The following AGO2 variants were observed in gnomAD, a reference collection of about 807,000 sequenced individuals.
The protein encoded by AGO2 is protein argonaute-2.
In AGO2, 5 loss-of-function variants were observed where a neutral mutation model predicts 102.3. The observed-to-expected ratio is 0.05, with a 90% CI of 0.03 to 0.10. The LOEUF (loss-of-function observed/expected upper bound fraction) is 0.10. AGO2 is among the 10% of genes least tolerant of loss of function. AGO2 has a pLI of 1.00. For missense variants in AGO2, 541 were observed against 1,183.7 expected, an observed-to-expected ratio of 0.46 and a Z score of 7.97; for synonymous variants, 449 against 473.1, an observed-to-expected ratio of 0.95 and a Z score of 0.66.
chr8:140,521,199 C>T lies in AGO2; in HGVS notation c.*10845G>A, dbSNP rs1349028002. 5 of 152,164 alleles carry T rather than the reference C, an allele frequency of 3.3e-5. No homozygotes were observed. Among genetic ancestry groups the T allele is most frequent in the Non-Finnish European group, 2.9e-5 (2 of 68,030 alleles). 9.4% of individuals were successfully genotyped at this position (152,164 alleles called of 1,614,324 possible). A position where few individuals can be genotyped will look rare whatever the true frequency, so the allele number is the denominator to read the frequency against. ...CTGGGGAGCCAATTGCCCGGCACGT[C>T]TTATTACTGAGAAAGTGCAAGAATG... On this transcript the variant is annotated 3_prime_UTR_variant, in exon 19 of 19. Transcript: ENST00000220592.
At chr8:140,617,276 C>T (rs1337011410) in intron 1 of AGO2, among the ~76,000 whole-genome samples, 2 of 149,480 alleles carry the variant, frequency 1.3e-5, no homozygotes, top group African/African-American at 2.5e-5. Context: ...TTTTTTTTTT[C>T]GAGATGGAGT....
chr8:140,604,402 G>C (rs772597097), intron 1 of AGO2, among the ~76,000 whole-genome samples: 20 of 152,180 alleles, frequency 1.3e-4, no homozygotes, highest in Non-Finnish European at 2.4e-4. Flanking sequence ...ACAATAAAAA[G>C]GCATTTTTGG....
In AGO2 at chr8:140,539,184, A is replaced by C; in HGVS notation, c.2169+136T>G. 7.9e-7 allele frequency: 1 copy of C among 1,259,678 alleles called. No homozygotes were observed. The highest frequency in any genetic ancestry group is 1.1e-6 in the Non-Finnish European group (1 of 927,606). The allele number at this position is 1,259,678 out of a possible 1,614,324, so 78.0% of individuals were successfully genotyped here. On this transcript the variant is annotated intron_variant, in intron 16 of 18. Coordinates refer to ENST00000220592, the MANE Select transcript of AGO2 (RefSeq NM_012154.5). The surrounding 1 kb of genome is among the most constrained non-coding windows in gnomAD (Gnocchi z 4.7). ...AGTGTCTAAACCTGGGTCCCCATGA[A>C]GCCCCTTAGAGGACAGAGTCACCCT... is the stretch of plus-strand genomic sequence containing the variant.
chr8:140,541,988 A>G (rs892624663), intron 14 of AGO2, among the ~76,000 whole-genome samples: 7 of 152,224 alleles, frequency 4.6e-5, no homozygotes, highest in African/African-American at 1.7e-4. Context: ...ATCAGTCCAA[A>G]GAAGGCAATG....
intron 2 of AGO2, among the ~76,000 whole-genome samples, chr8:140,576,350 T>TCA (rs1183282401): frequency 6.6e-6 from 1 of 151,992 alleles, no homozygotes; most frequent in Non-Finnish European, 1.5e-5. Context: ...AGATGAGCAA[T>TCA]CAACTGGGAG....
rs747659376 is a variant in AGO2, at chr8:140,627,784, C to A, written c.22+7701G>T. On this transcript the variant is annotated intron_variant, in intron 1 of 18. Transcript: ENST00000220592. The stretch of plus-strand genomic sequence containing the variant: ...GTTCACAGCAACATGGAACCACAGG[C>A]GGCACCCCACACAAGCATGGCGGTC... Among the ~76,000 whole-genome samples the A allele has an allele frequency of 1.1e-4, 17 of 152,182 alleles. 1 individual carries two copies. Among genetic ancestry groups the A allele is most frequent in the Admixed American group, 9.8e-4 (15 of 15,278 alleles).
chr8:140,571,754 T>C (rs1327615926), intron 3 of AGO2, among the ~76,000 whole-genome samples: 3 of 152,236 alleles, frequency 2.0e-5, no homozygotes, highest in Non-Finnish European at 4.4e-5. Context: ...AGATTATTTT[T>C]TATTTTTTTG....
chr8:140,534,470 G>A (rs2072659839), intron 17 of AGO2, among the ~76,000 whole-genome samples: 1 of 152,190 alleles, frequency 6.6e-6, no homozygotes, highest in Non-Finnish European at 1.5e-5. Context: ...CTTTGCACCA[G>A]GAAGTGCCAC....
At chr8:140,634,770 C>T (rs951523347) in intron 1 of AGO2, among the ~76,000 whole-genome samples, 3 of 152,312 alleles carry the variant, frequency 2.0e-5, no homozygotes, top group South Asian at 2.1e-4. Context: ...GAACGAGCCG[C>T]GCACGCAGTT....
chr8:140,589,589 G>T lies in AGO2; in HGVS notation c.23-4278C>A, dbSNP rs1454481267. On this transcript the variant is annotated intron_variant, in intron 1 of 18. Transcript: ENST00000220592. This position sits in a 1 kb window ranked among gnomAD's most constrained non-coding sequence, Gnocchi z 4.2. ...GTCATTATTCAAAGCCATGCTTCCCGATGGTCCTCCTAGAACTCTGCATTC... is the reference window on the plus strand; with the variant it reads ...GTCATTATTCAAAGCCATGCTTCCCTATGGTCCTCCTAGAACTCTGCATTC... Among the ~76,000 whole-genome samples the T allele has an allele frequency of 6.6e-6, 1 of 152,172 alleles. No individual in the cohort carries two copies. The highest frequency in any genetic ancestry group is 1.5e-5 in the Non-Finnish European group (1 of 68,024).
intron 5 of AGO2, among the ~76,000 whole-genome samples, chr8:140,559,887 T>C (rs1054191201): frequency 2.0e-5 from 3 of 152,248 alleles, no homozygotes; most frequent in African/African-American, 7.2e-5. Context: ...TTTCAATAAA[T>C]GTATAACTGA....
rs1436304328 is a variant in AGO2, at chr8:140,522,244, G to A, written c.*9800C>T. ...ACAATTTCAAGTTTCATGTGGAGTT[G>A]TATCTCACTGTTTGGTTACTTTTTC... On this transcript the variant is annotated 3_prime_UTR_variant, in exon 19 of 19. Coordinates refer to ENST00000220592, the MANE Select transcript of AGO2 (RefSeq NM_012154.5). 6.6e-6 allele frequency: 1 copy of A among 152,078 alleles called. No homozygotes were observed. Among genetic ancestry groups the A allele is most frequent in the Non-Finnish European group, 1.5e-5 (1 of 68,030 alleles). The allele number at this position is 152,078 out of a possible 1,614,324, so 9.4% of individuals were successfully genotyped here.
chr8:140,627,423 A>T (rs567914512), intron 1 of AGO2, among the ~76,000 whole-genome samples: 2 of 152,366 alleles, frequency 1.3e-5, no homozygotes, highest in East Asian at 3.9e-4. Flanking sequence ...CTGCAAGATG[A>T]AAGTTTCTAG....
At chr8:140,541,091 C>A (rs1588439780) in intron 15 of AGO2, 73 bp downstream of exon 15, 1 of 1,411,792 alleles carries the variant, frequency 7.1e-7, no homozygotes, top group African/African-American at 1.4e-5. Flanking sequence ...ATTCATCGAG[C>A]GTGGTTCTGC....
chr8:140,570,512 G>A (rs1192428702), intron 3 of AGO2, among the ~76,000 whole-genome samples: 1 of 152,192 alleles, frequency 6.6e-6, no homozygotes, highest in African/African-American at 2.4e-5. Flanking sequence ...TTACAGGCAT[G>A]AGCCACTGCA....
chr8:140,577,467 A>C (rs977089418), intron 2 of AGO2, among the ~76,000 whole-genome samples: 2 of 152,176 alleles, frequency 1.3e-5, no homozygotes, highest in African/African-American at 4.8e-5. Flanking sequence ...TTTTTTAAAG[A>C]TCATAGGCCT....
intron 4 of AGO2, among the ~76,000 whole-genome samples, chr8:140,562,178 T>C (rs997254795): frequency 1.3e-5 from 2 of 152,206 alleles, no homozygotes; most frequent in Non-Finnish European, 2.9e-5. Flanking sequence ...AAGTGCTGGG[T>C]GCAGAGGGCT....
chr8:140,537,925 T>C (rs957772709), intron 16 of AGO2, among the ~76,000 whole-genome samples: 6 of 152,082 alleles, frequency 3.9e-5, no homozygotes, highest in Non-Finnish European at 7.4e-5. Context: ...TTTAAGCAAT[T>C]CTCTTGCCTC....
At chr8:140,620,690 G>C (rs1190340438) in intron 1 of AGO2, among the ~76,000 whole-genome samples, 1 of 151,886 alleles carries the variant, frequency 6.6e-6, no homozygotes, top group Non-Finnish European at 1.5e-5. Context: ...AACATGGAGA[G>C]ACCCTGTCTC....
Sources: gnomAD v4.1 joint callset for allele counts (sites outside exome capture counted in the v4.1 genomes callset) on GRCh38, gnomAD v4.1.1 for gene constraint, Gnocchi (gnomAD v3.1) non-coding constraint, MANE v1.5 for transcripts, NCBI Gene and HGNC (gene_info 2026-07-23, HGNC 2026-07-21) for gene names.